The following KCNK12 variants were observed in gnomAD, a reference collection of about 807,000 sequenced individuals.
KCNK12 encodes the protein potassium channel subfamily K member 12.
A neutral mutation model predicts 25.3 loss-of-function variants in KCNK12; 6 were observed. The observed-to-expected ratio is 0.24, with a 90% CI of 0.13 to 0.47. KCNK12 has a LOEUF of 0.47. KCNK12 is among the 20% of genes least tolerant of loss of function. The probability of loss-of-function intolerance (pLI) is 0.99; values close to 1 mark genes in which losing one functional copy is unlikely to be tolerated. For synonymous variants in KCNK12, 331 were observed against 311.1 expected (o/e 1.06, Z -0.67); for missense variants, 444 against 661.7 (o/e 0.67, Z 3.61).
At chr2:47,522,254 G>T (rs1668675754) in intron 1 of KCNK12, among the ~76,000 whole-genome samples, 2 of 152,054 alleles carry the variant, frequency 1.3e-5, no homozygotes, top group African/African-American at 2.4e-5. Context: ...TACTAGTCTA[G>T]GTGAGTTTTG....
In KCNK12 at chr2:47,516,932, C is replaced by T. The variant is rs1176933180; in HGVS notation, c.*3975G>A. Reference sequence around the variant, plus strand: ...CCCAAGTCCATGCTGATGAGCCCACCCTGGGGGTCAGGAATGGCCTCAGCA... The same window carrying T: ...CCCAAGTCCATGCTGATGAGCCCACTCTGGGGGTCAGGAATGGCCTCAGCA... On this transcript the variant is annotated 3_prime_UTR_variant, in exon 2 of 2. Transcript: ENST00000327876. The T allele has an allele frequency of 1.3e-5, 2 of 152,192 alleles. No individual in the cohort carries two copies. Among genetic ancestry groups the T allele is most frequent in the African/African-American group, 4.8e-5 (2 of 41,426 alleles). 9.4% of individuals were successfully genotyped at this position (152,192 alleles called of 1,614,324 possible).
chr2:47,521,724 A>G lies in KCNK12; in HGVS notation c.476T>C (p.Leu159Pro). 1 of 1,595,490 alleles carries G rather than the reference A, an allele frequency of 6.3e-7. No homozygotes were observed. The highest frequency in any genetic ancestry group is 8.5e-7 in the Non-Finnish European group (1 of 1,173,610). Residue 159 changes from leucine (L) to proline (P), a missense_variant, in exon 2 of 2, where the codon CTG becomes CCG. This residue lies in a region of KCNK12 where 44 missense variants were observed against 100.7 expected (regional missense o/e 0.44). Coordinates refer to ENST00000327876, the MANE Select transcript of KCNK12 (RefSeq NM_022055.2). ...GCGCTCCAGGAAGAGGTTGAAGAAC[A>G]GGATGGTCCCAGCGCAGCCGAACAG... The part of the protein sequence containing the change: ...YGLFGCAGTI[L>P]FFNLFLERII...
At chr2:47,532,032 GC>G (rs1202942447) in intron 1 of KCNK12, among the ~76,000 whole-genome samples, 1 of 151,978 alleles carries the variant, frequency 6.6e-6, no homozygotes, top group African/African-American at 2.4e-5. Flanking sequence ...GGGTGACAAA[GC>G]GCGACTCCGT....
Position 47,520,593 on chromosome 2 carries a change from T to A in KCNK12, c.*314A>T, listed in dbSNP as rs1668629533. ...TTCTGTGCATGGGGACGGGGTTTAG[T>A]GCCAGTCTGCAAAACCCTCCTCGCT... On this transcript the variant is annotated 3_prime_UTR_variant, in exon 2 of 2. Coordinates refer to ENST00000327876, the MANE Select transcript of KCNK12 (RefSeq NM_022055.2). This position sits in a 1 kb window ranked among gnomAD's most constrained non-coding sequence, Gnocchi z 5.0. 7.4e-6 allele frequency: 2 copies of A among 271,182 alleles called. No individual in the cohort carries two copies. The highest frequency in any genetic ancestry group is 1.4e-5 in the Non-Finnish European group (2 of 146,528). The allele number at this position is 271,182 out of a possible 1,614,324, so 16.8% of individuals were successfully genotyped here.
chr2:47,542,945 G>A (rs527500738), intron 1 of KCNK12, among the ~76,000 whole-genome samples: 2 of 152,194 alleles, frequency 1.3e-5, no homozygotes, highest in South Asian at 2.1e-4. Context: ...TTAGAGATGG[G>A]GTCTCACTGT....
rs184563546 is a variant in KCNK12 at position 47,529,299 on chromosome 2, T to C, written c.392-7491A>G. 3.1e-3 allele frequency: 471 copies of C among 152,294 alleles called. 1 individual carries two copies. Among genetic ancestry groups the C allele is most frequent in the African/African-American group, 0.011 (447 of 41,552 alleles). The allele number at this position is 152,294 out of a possible 1,614,324, so 9.4% of individuals were successfully genotyped here. A position where few individuals can be genotyped will look rare whatever the true frequency, so the allele number is the denominator to read the frequency against. ...TCCATGGCAGGTCCCGCTCAGAGGT[T>C]TATTTAGTGGGTCAGAAAATGGGCC... On this transcript the variant is annotated intron_variant, in intron 1 of 1. Transcript: ENST00000327876. This position sits in a 1 kb window ranked among gnomAD's most constrained non-coding sequence, Gnocchi z 4.3.
Position 47,570,050 on chromosome 2 carries a change from G to T in KCNK12, c.282C>A (p.Leu94=). The change falls in exon 1 of 2, where the codon CTC becomes CTA. Residue 94 remains leucine, a synonymous_variant. Coordinates refer to ENST00000327876, the MANE Select transcript of KCNK12 (RefSeq NM_022055.2). ...GVAEPELRAF[L]RHYEAALAAG... ...CGGCCAGCGCGGCCTCGTAGTGCCG[G>T]AGGAAGGCGCGCAGCTCTGGCTCGG... 7.1e-7 allele frequency: 1 copy of T among 1,416,858 alleles called. No homozygotes were observed. Among genetic ancestry groups the T allele is most frequent in the Non-Finnish European group, 9.2e-7 (1 of 1,085,974 alleles). The allele number at this position is 1,416,858 out of a possible 1,614,324, so 87.8% of individuals were successfully genotyped here. A position where few individuals can be genotyped will look rare whatever the true frequency, so the allele number is the denominator to read the frequency against.
At chr2:47,545,325 T>C (rs1463648519) in intron 1 of KCNK12, among the ~76,000 whole-genome samples, 2 of 152,152 alleles carry the variant, frequency 1.3e-5, no homozygotes, top group Non-Finnish European at 2.9e-5. Context: ...GCTGACTAGT[T>C]TGGCTGGAGG....
intron 1 of KCNK12, chr2:47,561,990 G>T: frequency 2.5e-6 from 1 of 398,382 alleles, no homozygotes; most frequent in South Asian, 1.3e-4. Flanking sequence ...CTGAGGCACT[G>T]AATGGTGATA....
rs768448041 is a variant in KCNK12 at position 47,560,905 on chromosome 2, C to T, written c.391+9036G>A. ...CCTGGCCCCAGATCCTGTCCTGCTC[C>T]GGGAGGCTTCTGCCTGGGAAGGGGG... On this transcript the variant is annotated intron_variant, in intron 1 of 1. Coordinates refer to ENST00000327876, the MANE Select transcript of KCNK12 (RefSeq NM_022055.2). The surrounding 1 kb of genome is among the most constrained non-coding windows in gnomAD (Gnocchi z 4.7). Among the ~76,000 whole-genome samples, 9 of 152,264 alleles carry T rather than the reference C, an allele frequency of 5.9e-5. No individual in the cohort carries two copies. Among genetic ancestry groups the T allele is most frequent in the East Asian group, 3.9e-4 (2 of 5,158 alleles).
At position 47,529,778 on chromosome 2, in the gene KCNK12, A is replaced by G. The variant is rs768120819; in HGVS notation, c.392-7970T>C. 6.6e-6 allele frequency among the ~76,000 whole-genome samples: 1 copy of G among 152,214 alleles called. No homozygotes were observed. The highest frequency in any genetic ancestry group is 6.5e-5 in the Admixed American group (1 of 15,286). On this transcript the variant is annotated intron_variant, in intron 1 of 1. Transcript: ENST00000327876. This position sits in a 1 kb window ranked among gnomAD's most constrained non-coding sequence, Gnocchi z 4.3. ...GGAAAAAGACTCAGAAATACTGGGC[A>G]TGGCCCATGGCTCATTAGGGTTGCC...
chr2:47,524,514 C>G (rs907224636), intron 1 of KCNK12, among the ~76,000 whole-genome samples: 1 of 152,134 alleles, frequency 6.6e-6, no homozygotes, highest in South Asian at 2.1e-4. Flanking sequence ...CAAACTACAG[C>G]CTTTTTTAGG....
chr2:47,544,097 AC>A (rs1297485412), intron 1 of KCNK12, among the ~76,000 whole-genome samples: 1 of 152,092 alleles, frequency 6.6e-6, no homozygotes, highest in Non-Finnish European at 1.5e-5. Flanking sequence ...TATTGGAGTG[AC>A]TCTGCTGCTT....
chr2:47,516,279 T>A lies in KCNK12; in HGVS notation c.*4628A>T, dbSNP rs183663620. Among the ~76,000 whole-genome samples, 21 of 152,340 alleles carry A rather than the reference T, an allele frequency of 1.4e-4. 1 individual carries two copies. Among genetic ancestry groups the A allele is most frequent in the Admixed American group, 1.3e-3 (20 of 15,312 alleles). On this transcript the variant is annotated 3_prime_UTR_variant, in exon 2 of 2. Transcript: ENST00000327876. ...CCTTAGACCAATGAAATCAGACTCCTGGGAGTACGGCCCGGGCCTCGGGAT... is the reference window on the plus strand; with the variant it reads ...CCTTAGACCAATGAAATCAGACTCCAGGGAGTACGGCCCGGGCCTCGGGAT...
Position 47,512,576 on chromosome 2 carries a change from G to A in KCNK12, c.*8331C>T. On this transcript the variant is annotated 3_prime_UTR_variant, in exon 2 of 2. Coordinates refer to ENST00000327876, the MANE Select transcript of KCNK12 (RefSeq NM_022055.2). Reference sequence around the variant, plus strand: ...TCAGGAATATAACTTTCTCTGCCCAGATTCCAGGACTTACAGTGAGAAAGC... The same window carrying A: ...TCAGGAATATAACTTTCTCTGCCCAAATTCCAGGACTTACAGTGAGAAAGC... The A allele has an allele frequency of 1.1e-6, 1 of 951,374 alleles. No homozygotes were observed. The highest frequency in any genetic ancestry group is 1.5e-6 in the Non-Finnish European group (1 of 654,672). 58.9% of individuals were successfully genotyped at this position (951,374 alleles called of 1,614,324 possible).
chr2:47,550,378 CTTTTTTTT>C (rs746872422), intron 1 of KCNK12, among the ~76,000 whole-genome samples: 5 of 103,182 alleles, frequency 4.8e-5, no homozygotes, highest in Admixed American at 2.9e-4. Flanking sequence ...TATTCACAGA[CTTTTTTTT>C]TTTTTTTTTT....
At position 47,513,215 on chromosome 2, in the gene KCNK12, A is replaced by G. The variant is rs1202432783; in HGVS notation, c.*7692T>C. ...AACTTGTATCCCTAATGTGTGACCCATGAAAATTAGCCAGGCAGCACCAGT... is the reference window on the plus strand; with the variant it reads ...AACTTGTATCCCTAATGTGTGACCCGTGAAAATTAGCCAGGCAGCACCAGT... On this transcript the variant is annotated 3_prime_UTR_variant, in exon 2 of 2. Transcript: ENST00000327876. 6.6e-6 allele frequency: 1 copy of G among 152,204 alleles called. No homozygotes were observed. Among genetic ancestry groups the G allele is most frequent in the Non-Finnish European group, 1.5e-5 (1 of 68,036 alleles). The allele number at this position is 152,204 out of a possible 1,614,324, so 9.4% of individuals were successfully genotyped here.
At position 47,514,606 on chromosome 2, in the gene KCNK12, C is replaced by CT. The variant is rs113528046; in HGVS notation, c.*6300dup. Among the ~76,000 whole-genome samples the CT allele has an allele frequency of 1.0e-3, 150 of 146,010 alleles. 1 individual carries two copies. Among genetic ancestry groups the CT allele is most frequent in the East Asian group, 6.7e-3 (34 of 5,044 alleles). ...GTTCTTTTTTCTTTTCTTCCTTTTT[C>CT]TTTTTTTTTTTTCTTTCTTTTTGAG... is the stretch of plus-strand genomic sequence containing the variant. On this transcript the variant is annotated 3_prime_UTR_variant, in exon 2 of 2. Transcript: ENST00000327876. The surrounding 1 kb of genome is among the most constrained non-coding windows in gnomAD (Gnocchi z 5.0).
chr2:47,566,659 G>A lies in KCNK12; in HGVS notation c.391+3282C>T, dbSNP rs1454627939. 6.6e-6 allele frequency: 1 copy of A among 152,152 alleles called. No individual in the cohort carries two copies. 9.4% of individuals were successfully genotyped at this position (152,152 alleles called of 1,614,324 possible). ...TTTTCTCTGGACTTAATCAGTTGAT[G>A]ACGTGACCAATAGACCAGCAGACCA... On this transcript the variant is annotated intron_variant, in intron 1 of 1. Transcript: ENST00000327876. This position sits in a 1 kb window ranked among gnomAD's most constrained non-coding sequence, Gnocchi z 4.1.
Sources: gnomAD v4.1 joint callset for allele counts (sites outside exome capture counted in the v4.1 genomes callset) on GRCh38, gnomAD v4.1.1 for gene constraint, gnomAD v4.1.1 regional missense constraint, Gnocchi (gnomAD v3.1) non-coding constraint, MANE v1.5 for transcripts, NCBI Gene and HGNC (gene_info 2026-07-23, HGNC 2026-07-21) for gene names.